Variants in PLEKHA8 observed in about 807,000 individuals in gnomAD.
PLEKHA8 encodes the protein pleckstrin homology domain-containing family A member 8.
Under a neutral mutation model 68.2 loss-of-function variants are expected in PLEKHA8, and 36 were observed. The observed-to-expected ratio is 0.53, with a 90% CI of 0.40 to 0.70. The LOEUF (loss-of-function observed/expected upper bound fraction) is 0.70, where lower values mean the gene tolerates loss of function less well. Among genes scored for constraint, PLEKHA8 ranks in the 30% least tolerant of loss-of-function variants. PLEKHA8 has a pLI of 0.00. For synonymous variants in PLEKHA8, 211 were observed against 216.1 expected (o/e 0.98, Z 0.20); for missense variants, 505 against 615.4 (o/e 0.82, Z 1.90).
chr7:30,118,035 G>A lies in PLEKHA8; in HGVS notation c.1363-11231G>A. The A allele has an allele frequency of 3.3e-6, 5 of 1,514,952 alleles. No individual in the cohort carries two copies. In the South Asian group the frequency reaches 6.2e-5, roughly 19 times the overall value. The allele number at this position is 1,514,952 out of a possible 1,614,324, so 93.8% of individuals were successfully genotyped here. On this transcript the variant is annotated intron_variant, in intron 13 of 13. Coordinates refer to the PLEKHA8 transcript ENST00000396257. ...CTCAGAATCAGGCGGGTGCAGAGTG[G>A]CCTGCAGGACATGATGACCCAGCAT...
At chr7:30,062,299 C>G (rs1286967616) in intron 11 of PLEKHA8, among the ~76,000 whole-genome samples, 1 of 152,172 alleles carries the variant, frequency 6.6e-6, no homozygotes, top group Non-Finnish European at 1.5e-5. Context: ...TCTCCAACTT[C>G]AGTGGCATCA....
intron 13 of PLEKHA8, chr7:30,118,110 C>G: frequency 8.0e-7 from 1 of 1,257,806 alleles, no homozygotes; most frequent in Non-Finnish European, 1.0e-6. Flanking sequence ...GGGGATCAGC[C>G]TGGACTAAAT....
intron 12 of PLEKHA8, among the ~76,000 whole-genome samples, chr7:30,070,686 C>A (rs966286930): frequency 6.6e-6 from 1 of 151,860 alleles, no homozygotes; most frequent in African/African-American, 2.4e-5. Context: ...GCTGGGATTA[C>A]GGGCACCCAC....
chr7:30,106,770 C>T (rs537984672), intron 13 of PLEKHA8, among the ~76,000 whole-genome samples: 4 of 152,274 alleles, frequency 2.6e-5, no homozygotes, highest in South Asian at 2.1e-4. Flanking sequence ...CCAAGTACTA[C>T]GTTGAATGCA....
At chr7:30,031,919 C>A (rs952177872) in intron 1 of PLEKHA8, among the ~76,000 whole-genome samples, 2 of 152,072 alleles carry the variant, frequency 1.3e-5, no homozygotes, top group African/African-American at 4.8e-5. Flanking sequence ...GAAGTCTCTT[C>A]CCTTAAATGC....
In PLEKHA8 at chr7:30,078,721, G is replaced by A; in HGVS notation, c.1494G>A (p.Glu498=). Residue 498 remains glutamate (E), a synonymous_variant, in exon 14 of 14, where the codon GAG becomes GAA. Transcript: ENST00000449726. The part of the protein sequence containing the change: ...RDLSLYLPAM[E]KQLAILDTLY... ...TCAGCCTTTACCTCCCTGCCATGGA[G>A]AAGCAGCTGGCCATACTGGACACTT... 6.2e-7 allele frequency: 1 copy of A among 1,613,872 alleles called. No individual in the cohort carries two copies. The highest frequency in any genetic ancestry group is 8.5e-7 in the Non-Finnish European group (1 of 1,179,822).
intron 13 of PLEKHA8, among the ~76,000 whole-genome samples, chr7:30,101,946 A>G (rs2128011981): frequency 6.6e-6 from 1 of 152,346 alleles, no homozygotes; most frequent in African/African-American, 2.4e-5. Flanking sequence ...ACTTTATCAA[A>G]TTAAAAAACT....
intron 1 of PLEKHA8, among the ~76,000 whole-genome samples, chr7:30,043,976 G>A (rs959970448): frequency 6.6e-6 from 1 of 151,846 alleles, no homozygotes; most frequent in Admixed American, 6.6e-5. Context: ...GAAAAGAACT[G>A]CATCTGACTG....
Position 30,081,928 on chromosome 7 carries a change from A to G in PLEKHA8, c.*3141A>G. ...GCAAGTCTCTTGACTTTTGAAAGCAAGTCAGATTCCTTATAGCTAATGCTG... is the reference window on the plus strand; with the variant it reads ...GCAAGTCTCTTGACTTTTGAAAGCAGGTCAGATTCCTTATAGCTAATGCTG... On this transcript the variant is annotated 3_prime_UTR_variant, in exon 14 of 14. Coordinates refer to ENST00000449726, the MANE Select transcript of PLEKHA8 (RefSeq NM_001197026.2). 2 of 970,194 alleles carry G rather than the reference A, an allele frequency of 2.1e-6. No individual in the cohort carries two copies. Among genetic ancestry groups the G allele is most frequent in the South Asian group, 9.5e-5 (2 of 20,964 alleles). The allele number at this position is 970,194 out of a possible 1,614,324, so 60.1% of individuals were successfully genotyped here.
chr7:30,081,515 A>G lies in PLEKHA8; in HGVS notation c.*2728A>G, dbSNP rs1050330339. On this transcript the variant is annotated 3_prime_UTR_variant, in exon 14 of 14. Transcript: ENST00000449726. ...TGCGCTGATGTGTAATCACTTTCCA[A>G]GAAGAGGGCAATGAGAAAAGATATT... The G allele has an allele frequency of 3.0e-6, 3 of 985,172 alleles. No individual in the cohort carries two copies. Among genetic ancestry groups the G allele is most frequent in the African/African-American group, 1.7e-5 (1 of 57,232 alleles). The allele number at this position is 985,172 out of a possible 1,614,324, so 61.0% of individuals were successfully genotyped here. A position where few individuals can be genotyped will look rare whatever the true frequency, so the allele number is the denominator to read the frequency against.
chr7:30,121,329 A>C (rs1796693651), intron 13 of PLEKHA8, among the ~76,000 whole-genome samples: 4 of 148,098 alleles, frequency 2.7e-5, no homozygotes, highest in African/African-American at 7.5e-5. Context: ...CAAAGGGATG[A>C]AAAACTTACA....
intron 12 of PLEKHA8, among the ~76,000 whole-genome samples, chr7:30,065,138 G>A (rs1385593631): frequency 6.6e-6 from 1 of 152,182 alleles, no homozygotes. Context: ...GAAGAAAGAG[G>A]AGACTTTGAA....
In PLEKHA8 at chr7:30,028,637, G is replaced by C; in HGVS notation, c.-126G>C. 1.4e-6 allele frequency: 1 copy of C among 689,892 alleles called. No homozygotes were observed. 42.7% of individuals were successfully genotyped at this position (689,892 alleles called of 1,614,324 possible). A position where few individuals can be genotyped will look rare whatever the true frequency, so the allele number is the denominator to read the frequency against. Reference sequence around the variant, plus strand: ...GGCGGGCCGGGCGTCCCCACACCGGGCCCGGGCGCCGGGAGTGGGCGTCTG... The same window carrying C: ...GGCGGGCCGGGCGTCCCCACACCGGCCCCGGGCGCCGGGAGTGGGCGTCTG... On this transcript the variant is annotated 5_prime_UTR_variant, in exon 1 of 14. Coordinates refer to ENST00000449726, the MANE Select transcript of PLEKHA8 (RefSeq NM_001197026.2).
At chr7:30,078,525 A>G in intron 13 of PLEKHA8, 65 bp from the exon 14 acceptor site, 1 of 1,540,162 alleles carries the variant, frequency 6.5e-7, no homozygotes, top group Non-Finnish European at 9.0e-7. Flanking sequence ...GCATGTGCAC[A>G]TGCATAAAAA....
chr7:30,079,973 G>C lies in PLEKHA8; in HGVS notation c.*1186G>C. On this transcript the variant is annotated 3_prime_UTR_variant, in exon 14 of 14. Coordinates refer to ENST00000449726, the MANE Select transcript of PLEKHA8 (RefSeq NM_001197026.2). ...AAATGGAGAGTGAGAAGTGGAGCAG[G>C]TTCATTCAGCAGCATTCTTAATTGA... is the stretch of plus-strand genomic sequence containing the variant. 1.0e-6 allele frequency: 1 copy of C among 984,944 alleles called. No individual in the cohort carries two copies. Among genetic ancestry groups the C allele is most frequent in the Non-Finnish European group, 1.2e-6 (1 of 829,844 alleles). The allele number at this position is 984,944 out of a possible 1,614,324, so 61.0% of individuals were successfully genotyped here.
At chr7:30,051,989 T>A (rs926751117) in intron 6 of PLEKHA8, among the ~76,000 whole-genome samples, 10 of 151,652 alleles carry the variant, frequency 6.6e-5, no homozygotes, top group Admixed American at 2.0e-4. Context: ...AATAAATAAA[T>A]AAATAGACAG....
rs545631205 is a variant in PLEKHA8, at chr7:30,115,994, G to C, written c.1363-13272G>C. 9 of 134,962 alleles carry C rather than the reference G, an allele frequency of 6.7e-5. 1 individual carries two copies. Among genetic ancestry groups the C allele is most frequent in the Non-Finnish European group, 1.3e-4 (8 of 61,698 alleles). 8.4% of individuals were successfully genotyped at this position (134,962 alleles called of 1,614,324 possible). On this transcript the variant is annotated intron_variant, in intron 13 of 13. Coordinates refer to the PLEKHA8 transcript ENST00000396257. Reference sequence around the variant, plus strand: ...TGTGCATGCATGCATGTATGCATACGCATACATACGCATACATACGCATAC... The same window carrying C: ...TGTGCATGCATGCATGTATGCATACCCATACATACGCATACATACGCATAC...
At position 30,081,133 on chromosome 7, in the gene PLEKHA8, T is replaced by C. The variant is rs962061879; in HGVS notation, c.*2346T>C. 1.4e-5 allele frequency: 14 copies of C among 985,228 alleles called. No individual in the cohort carries two copies. The highest frequency in any genetic ancestry group is 1.2e-4 in the African/African-American group (7 of 57,228). 61.0% of individuals were successfully genotyped at this position (985,228 alleles called of 1,614,324 possible). A position where few individuals can be genotyped will look rare whatever the true frequency, so the allele number is the denominator to read the frequency against. ...ACTAGATGTACACAACTTAATTTGCTGGGAATGAGGGGCTTAATATTATCT... is the reference window on the plus strand; with the variant it reads ...ACTAGATGTACACAACTTAATTTGCCGGGAATGAGGGGCTTAATATTATCT... On this transcript the variant is annotated 3_prime_UTR_variant, in exon 14 of 14. Coordinates refer to ENST00000449726, the MANE Select transcript of PLEKHA8 (RefSeq NM_001197026.2).
At chr7:30,072,800 G>C (rs1380704938) in intron 12 of PLEKHA8, among the ~76,000 whole-genome samples, 2 of 152,198 alleles carry the variant, frequency 1.3e-5, no homozygotes, top group East Asian at 3.8e-4. Context: ...TTTAGATATG[G>C]AGAAACATGA....
Sources: gnomAD v4.1 joint callset for allele counts (sites outside exome capture counted in the v4.1 genomes callset) on GRCh38, gnomAD v4.1.1 for gene constraint, MANE v1.5 for transcripts, NCBI Gene and HGNC (gene_info 2026-07-23, HGNC 2026-07-21) for gene names.